Variants in GRID2 observed in about 807,000 individuals in gnomAD.
The protein encoded by GRID2 is glutamate ionotropic receptor delta type subunit 2, also known as glutamate receptor ionotropic, delta-2.
A neutral mutation model predicts 114.8 loss-of-function variants in GRID2; 33 were observed. That is an observed-to-expected ratio of 0.29 (90% CI 0.22 to 0.38). GRID2 has a LOEUF of 0.38. Ranked by LOEUF, GRID2 falls within the 10% of genes least tolerant of loss-of-function variation. The probability of loss-of-function intolerance (pLI) is 1.00; values close to 1 mark genes in which losing one functional copy is unlikely to be tolerated. For missense variants in GRID2, 1,184 were observed against 1,257.7 expected (o/e 0.94, Z 0.89); for synonymous variants, 505 against 449.9 (o/e 1.12, Z -1.55).
chr4:93,305,652 C>T (rs1371347950), intron 8 of GRID2, among the ~76,000 whole-genome samples: 2 of 152,036 alleles, frequency 1.3e-5, no homozygotes, highest in African/African-American at 4.8e-5. Flanking sequence ...ATGCAAGAAT[C>T]GTTGGAATTT....
chr4:93,456,075 G>T, intron 11 of GRID2, 101 bp downstream of exon 11: 1 of 706,418 alleles, frequency 1.4e-6, no homozygotes. Context: ...ACATCAATAA[G>T]TGTTCTAAAG....
At chr4:93,698,955 T>C (rs1033549704) in intron 14 of GRID2, among the ~76,000 whole-genome samples, 5 of 152,052 alleles carry the variant, frequency 3.3e-5, no homozygotes, top group Admixed American at 2.6e-4. Context: ...AACTTGCAAA[T>C]TGGTGACCAT....
At chr4:92,511,362 C>T (rs1207360036) in intron 1 of GRID2, among the ~76,000 whole-genome samples, 1 of 151,844 alleles carries the variant, frequency 6.6e-6, no homozygotes, top group Non-Finnish European at 1.5e-5. Context: ...AATCTGCCCC[C>T]ATGATCCAAA....
intron 2 of GRID2, among the ~76,000 whole-genome samples, chr4:92,665,324 G>C (rs1732720005): frequency 6.7e-6 from 1 of 148,776 alleles, no homozygotes; most frequent in Admixed American, 6.7e-5. Context: ...TGGCAGCTTA[G>C]TTTCCACCCT....
At chr4:93,685,048 C>T (rs1725950607) in intron 14 of GRID2, among the ~76,000 whole-genome samples, 1 of 151,670 alleles carries the variant, frequency 6.6e-6, no homozygotes, top group Admixed American at 6.6e-5. Flanking sequence ...TATTTGCAAA[C>T]AGAATAACAA....
chr4:93,107,023 G>A (rs1461540628), intron 3 of GRID2, among the ~76,000 whole-genome samples: 1 of 152,060 alleles, frequency 6.6e-6, no homozygotes, highest in Non-Finnish European at 1.5e-5. Flanking sequence ...TTTTTTTCTG[G>A]GAGTGGTGGC....
At chr4:93,059,850 A>G (rs973724914) in intron 2 of GRID2, among the ~76,000 whole-genome samples, 3 of 151,956 alleles carry the variant, frequency 2.0e-5, no homozygotes, top group South Asian at 2.1e-4. Context: ...TTTTTAAACT[A>G]TCACCTTATT....
At chr4:93,791,685 A>G (rs1312057572) in intron 1 of GRID2, among the ~76,000 whole-genome samples, 1 of 152,200 alleles carries the variant, frequency 6.6e-6, no homozygotes, top group Admixed American at 6.5e-5. Flanking sequence ...AGTCACACTG[A>G]GAGTCCCCTT....
chr4:93,160,153 A>C (rs192677967), intron 4 of GRID2, among the ~76,000 whole-genome samples: 1 of 151,876 alleles, frequency 6.6e-6, no homozygotes, highest in East Asian at 1.9e-4. Flanking sequence ...AACTGTATGG[A>C]TAATTCGTGA....
intron 9 of GRID2, among the ~76,000 whole-genome samples, chr4:93,412,201 A>G (rs576349408): frequency 5.9e-5 from 9 of 151,520 alleles, no homozygotes; most frequent in Non-Finnish European, 1.0e-4. Context: ...AGACTTTGAG[A>G]CAAGCCTGGG....
At chr4:93,230,869 A>G (rs1157800592) in intron 7 of GRID2, among the ~76,000 whole-genome samples, 1 of 152,136 alleles carries the variant, frequency 6.6e-6, no homozygotes. Flanking sequence ...TTAGTTTATT[A>G]TGACAAGTTA....
chr4:92,830,354 C>A (rs1471589710), intron 2 of GRID2, among the ~76,000 whole-genome samples: 1 of 148,600 alleles, frequency 6.7e-6, no homozygotes, highest in Non-Finnish European at 1.5e-5. Context: ...TTTCTATGTT[C>A]TCTAAAAAGT....
At chr4:92,927,372 AAG>A (rs900974910) in intron 2 of GRID2, among the ~76,000 whole-genome samples, 21 of 151,838 alleles carry the variant, frequency 1.4e-4, no homozygotes, top group Admixed American at 1.3e-3. Context: ...TCTTGGGACA[AAG>A]AGAAAATATT....
intron 2 of GRID2, among the ~76,000 whole-genome samples, chr4:92,986,748 T>G (rs1282178354): frequency 6.6e-6 from 1 of 152,202 alleles, no homozygotes; most frequent in Non-Finnish European, 1.5e-5. Flanking sequence ...AGAACAGGAC[T>G]AAATATTATA....
intron 2 of GRID2, among the ~76,000 whole-genome samples, chr4:92,609,404 TA>T: frequency 6.6e-6 from 1 of 151,394 alleles, no homozygotes; most frequent in African/African-American, 2.4e-5. Flanking sequence ...AAAAAAATAA[TA>T]AAGACAATTC....
chr4:92,423,840 T>C (rs563643039), intron 1 of GRID2, among the ~76,000 whole-genome samples: 1 of 152,042 alleles, frequency 6.6e-6, no homozygotes, highest in Non-Finnish European at 1.5e-5. Flanking sequence ...GAGCTGCAGA[T>C]TTTTTTGCAG....
chr4:93,102,931 T>G (rs1731838003), intron 3 of GRID2, among the ~76,000 whole-genome samples: 1 of 151,846 alleles, frequency 6.6e-6, no homozygotes, highest in Non-Finnish European at 1.5e-5. Flanking sequence ...AAATGATTTA[T>G]AAAGGCTTTA....
intron 14 of GRID2, among the ~76,000 whole-genome samples, chr4:93,768,917 AG>A (rs2110333512): frequency 6.6e-6 from 1 of 151,602 alleles, no homozygotes; most frequent in Non-Finnish European, 1.5e-5. Context: ...GAAAATATTT[AG>A]AATTATAGAA....
At chr4:92,782,670 A>T (rs1739138608) in intron 2 of GRID2, among the ~76,000 whole-genome samples, 1 of 152,164 alleles carries the variant, frequency 6.6e-6, no homozygotes, top group African/African-American at 2.4e-5. Context: ...ATGGAAATGT[A>T]TTACCAGTGA....
Sources: gnomAD v4.1 joint callset for allele counts (sites outside exome capture counted in the v4.1 genomes callset) on GRCh38, gnomAD v4.1.1 for gene constraint, MANE v1.5 for transcripts, NCBI Gene and HGNC (gene_info 2026-07-23, HGNC 2026-07-21) for gene names.